RASGRF2: variants seen among roughly 807,000 people sequenced by gnomAD.
RASGRF2 encodes ras-specific guanine nucleotide-releasing factor 2.
RASGRF2 carries 76 observed loss-of-function variants against 151.0 expected under a neutral mutation model. The ratio of observed to expected loss-of-function variants is 0.50; its 90% CI spans 0.42 to 0.61. The LOEUF is 0.61. Ranked by LOEUF, RASGRF2 falls within the 20% of genes least tolerant of loss-of-function variation. RASGRF2 has a pLI of 0.00. For synonymous variants in RASGRF2, 504 were observed against 566.5 expected (o/e 0.89, Z 1.57); for missense variants, 1,148 against 1,564.6 (o/e 0.73, Z 4.49).
intron 22 of RASGRF2, among the ~76,000 whole-genome samples, chr5:81,211,939 T>C (rs1755638400): frequency 6.6e-6 from 1 of 152,216 alleles, no homozygotes; most frequent in Non-Finnish European, 1.5e-5. Flanking sequence ...CTGTGATAAC[T>C]GTGGCTTCTC....
rs564910897 is a variant in RASGRF2, at chr5:81,030,109, A to G, written c.289-12768A>G. Among the ~76,000 whole-genome samples the G allele has an allele frequency of 3.7e-4, 56 of 151,976 alleles. 1 individual carries two copies. The highest frequency in any genetic ancestry group is 1.3e-3 in the African/African-American group (55 of 41,544). On this transcript the variant is annotated intron_variant, in intron 1 of 26. Coordinates refer to ENST00000265080, the MANE Select transcript of RASGRF2 (RefSeq NM_006909.3). ...GAGAAGAGAAGTTTAGAGAAAAAAG[A>G]GTAAAAAGAAACAAACAAAGCCTTC... is the stretch of plus-strand genomic sequence containing the variant.
At chr5:81,077,732 C>T (rs1445816345) in intron 5 of RASGRF2, among the ~76,000 whole-genome samples, 1 of 152,110 alleles carries the variant, frequency 6.6e-6, no homozygotes, top group Non-Finnish European at 1.5e-5. Context: ...GGATTGTGTA[C>T]TGAACTCTGA....
intron 7 of RASGRF2, among the ~76,000 whole-genome samples, chr5:81,083,544 A>C (rs557696639): frequency 6.6e-6 from 1 of 152,310 alleles, no homozygotes; most frequent in South Asian, 2.1e-4. Context: ...GAAATTGTAG[A>C]ATTTGGATGA....
At chr5:81,003,183 G>A (rs184307267) in intron 1 of RASGRF2, among the ~76,000 whole-genome samples, 7 of 149,542 alleles carry the variant, frequency 4.7e-5, no homozygotes, top group African/African-American at 1.7e-4. Flanking sequence ...AGCCTCCCGA[G>A]TAGCGGGATT....
At chr5:81,072,568 AC>A (rs1751809521) in intron 4 of RASGRF2, among the ~76,000 whole-genome samples, 1 of 152,226 alleles carries the variant, frequency 6.6e-6, no homozygotes, top group South Asian at 2.1e-4. Context: ...TTATCATAAA[AC>A]AAATCCTAGT....
At chr5:81,151,937 A>C (rs1160415855) in intron 17 of RASGRF2, among the ~76,000 whole-genome samples, 1 of 152,166 alleles carries the variant, frequency 6.6e-6, no homozygotes, top group Non-Finnish European at 1.5e-5. Flanking sequence ...ATGTTGCAGT[A>C]CTGGGTTTTT....
At chr5:81,173,175 G>A (rs985266222) in intron 17 of RASGRF2, among the ~76,000 whole-genome samples, 2 of 151,970 alleles carry the variant, frequency 1.3e-5, no homozygotes, top group Non-Finnish European at 2.9e-5. Flanking sequence ...TTAGGAGTTC[G>A]CAACCACCCT....
chr5:81,192,129 G>A (rs919121121), intron 18 of RASGRF2, among the ~76,000 whole-genome samples: 2 of 152,098 alleles, frequency 1.3e-5, no homozygotes, highest in African/African-American at 4.8e-5. Flanking sequence ...TTCTACAAAC[G>A]TTTGAGGGCT....
At chr5:81,089,137 C>T (rs769801080) in intron 9 of RASGRF2, among the ~76,000 whole-genome samples, 47 of 152,152 alleles carry the variant, frequency 3.1e-4, no homozygotes, top group Non-Finnish European at 8.8e-5. Context: ...CATTGTTTTG[C>T]TTTGGTTACT....
At chr5:81,003,446 A>G (rs1749157817) in intron 1 of RASGRF2, among the ~76,000 whole-genome samples, 1 of 152,042 alleles carries the variant, frequency 6.6e-6, no homozygotes, top group Non-Finnish European at 1.5e-5. Flanking sequence ...GATGGTCTCG[A>G]TCTACTGACC....
chr5:81,101,755 G>A (rs1158922803), intron 12 of RASGRF2, among the ~76,000 whole-genome samples: 1 of 151,880 alleles, frequency 6.6e-6, no homozygotes, highest in Non-Finnish European at 1.5e-5. Context: ...TCATTATATG[G>A]CCTTTTGACG....
At chr5:81,162,392 G>A (rs1420727626) in intron 17 of RASGRF2, among the ~76,000 whole-genome samples, 1 of 152,062 alleles carries the variant, frequency 6.6e-6, no homozygotes, top group African/African-American at 2.4e-5. Flanking sequence ...CTTTTGTCCA[G>A]GCTAGAGTGC....
chr5:81,037,685 G>T (rs951731927), intron 1 of RASGRF2, among the ~76,000 whole-genome samples: 3 of 152,142 alleles, frequency 2.0e-5, no homozygotes, highest in Admixed American at 6.5e-5. Context: ...GATTACAAAT[G>T]AGGCAAAAAA....
At chr5:81,099,502 G>A (rs187662413) in intron 12 of RASGRF2, among the ~76,000 whole-genome samples, 7 of 152,242 alleles carry the variant, frequency 4.6e-5, no homozygotes, top group Non-Finnish European at 4.4e-5. Flanking sequence ...TAGAGTATAA[G>A]GCTGGTGTAA....
intron 15 of RASGRF2, among the ~76,000 whole-genome samples, chr5:81,117,980 G>A (rs1308885347): frequency 1.3e-5 from 2 of 152,216 alleles, no homozygotes; most frequent in African/African-American, 4.8e-5. Flanking sequence ...CTGGGGTGGG[G>A]TTGGGTGCCC....
intron 17 of RASGRF2, among the ~76,000 whole-genome samples, chr5:81,140,311 A>G (rs188317017): frequency 3.5e-4 from 54 of 152,246 alleles, no homozygotes; most frequent in Middle Eastern, 3.4e-3. Flanking sequence ...CTAGTTTGGG[A>G]CATATTTTCT....
chr5:80,980,856 A>G (rs1252148085), intron 1 of RASGRF2, among the ~76,000 whole-genome samples: 1 of 152,176 alleles, frequency 6.6e-6, no homozygotes, highest in African/African-American at 2.4e-5. Flanking sequence ...AGGGGAAGAC[A>G]GCCTGTTGGC....
intron 1 of RASGRF2, among the ~76,000 whole-genome samples, chr5:80,993,097 T>C (rs773241710): frequency 2.0e-5 from 3 of 152,224 alleles, no homozygotes; most frequent in Non-Finnish European, 4.4e-5. Flanking sequence ...TTTTTCAATC[T>C]GTCCTTTGCT....
chr5:81,056,249 TC>T (rs1751206142), intron 2 of RASGRF2, among the ~76,000 whole-genome samples: 1 of 152,228 alleles, frequency 6.6e-6, no homozygotes, highest in African/African-American at 2.4e-5. Flanking sequence ...TTTCCTGCTT[TC>T]TCTTGTGGGC....
Sources: gnomAD v4.1 joint callset for allele counts (sites outside exome capture counted in the v4.1 genomes callset) on GRCh38, gnomAD v4.1.1 for gene constraint, MANE v1.5 for transcripts, NCBI Gene and HGNC (gene_info 2026-07-23, HGNC 2026-07-21) for gene names.